The following CABLES1 variants were observed in gnomAD, a reference collection of about 807,000 sequenced individuals.
The protein encoded by CABLES1 is Cdk5 and Abl enzyme substrate 1.
A neutral mutation model predicts 57.8 loss-of-function variants in CABLES1; 36 were observed. The ratio of observed to expected loss-of-function variants is 0.62; its 90% CI spans 0.48 to 0.82. The LOEUF (loss-of-function observed/expected upper bound fraction) is 0.82. Ranked by LOEUF, CABLES1 falls within the 40% of genes least tolerant of loss-of-function variation. CABLES1 has a pLI of 0.00. For missense variants in CABLES1, 767 were observed against 836.6 expected, an observed-to-expected ratio of 0.92 and a Z score of 1.03; for synonymous variants, 374 against 363.0, an observed-to-expected ratio of 1.03 and a Z score of -0.35.
intron 3 of CABLES1, among the ~76,000 whole-genome samples, chr18:23,207,917 T>C (rs1372769910): frequency 6.6e-6 from 1 of 152,160 alleles, no homozygotes; most frequent in Non-Finnish European, 1.5e-5. Context: ...AGTACCACCA[T>C]GTGGTATTTG....
At chr18:23,200,470 G>A (rs1353515698) in intron 3 of CABLES1, among the ~76,000 whole-genome samples, 1 of 152,128 alleles carries the variant, frequency 6.6e-6, no homozygotes, top group Non-Finnish European at 1.5e-5. Context: ...CACCATGTTA[G>A]CCAGGAAGGT....
At chr18:23,236,216 C>A (rs191356626) in intron 6 of CABLES1, among the ~76,000 whole-genome samples, 165 bp downstream of exon 6, 7 of 152,266 alleles carry the variant, frequency 4.6e-5, no homozygotes, top group Admixed American at 2.6e-4. Context: ...GCAATGAAGC[C>A]GCAGGTGATT....
At chr18:23,167,120 C>T (rs2047048164) in intron 1 of CABLES1, among the ~76,000 whole-genome samples, 1 of 152,170 alleles carries the variant, frequency 6.6e-6, no homozygotes, top group African/African-American at 2.4e-5. Flanking sequence ...AGATCATCAT[C>T]AGCGGAAATT....
At chr18:23,194,602 G>A in intron 3 of CABLES1, 62 bp downstream of exon 3, 1 of 1,151,960 alleles carries the variant, frequency 8.7e-7, no homozygotes, top group South Asian at 1.2e-5. Flanking sequence ...ACTGGAGGAG[G>A]GGACAGTTTT....
chr18:23,139,403 CAAA>C (rs61297552), intron 1 of CABLES1, among the ~76,000 whole-genome samples: 8 of 111,132 alleles, frequency 7.2e-5, no homozygotes, highest in Admixed American at 1.0e-4. Flanking sequence ...AACTCCATCT[CAAA>C]AAAAAAAAAA....
chr18:23,212,456 C>T (rs961914094), intron 3 of CABLES1, among the ~76,000 whole-genome samples: 1 of 152,186 alleles, frequency 6.6e-6, no homozygotes, highest in African/African-American at 2.4e-5. Context: ...ACTTTGGTCC[C>T]ATCCCATTAA....
chr18:23,138,078 A>G (rs1210705016), intron 1 of CABLES1, among the ~76,000 whole-genome samples: 1 of 152,180 alleles, frequency 6.6e-6, no homozygotes, highest in Non-Finnish European at 1.5e-5. Context: ...CTTGCAGCCT[A>G]AGCCCAGCAG....
intron 4 of CABLES1, among the ~76,000 whole-genome samples, chr18:23,222,167 A>C (rs2047492422): frequency 1.3e-5 from 2 of 151,998 alleles, no homozygotes; most frequent in African/African-American, 4.8e-5. Context: ...GCCCTCTCTC[A>C]GCACAGCTCC....
intron 3 of CABLES1, among the ~76,000 whole-genome samples, chr18:23,199,279 T>G (rs1010400917): frequency 1.3e-5 from 2 of 152,034 alleles, no homozygotes; most frequent in African/African-American, 4.8e-5. Flanking sequence ...GTTGGGTGGT[T>G]CTTCAAAAAG....
intron 4 of CABLES1, among the ~76,000 whole-genome samples, chr18:23,218,002 C>T (rs1313955106): frequency 2.0e-5 from 3 of 152,256 alleles, no homozygotes; most frequent in Non-Finnish European, 4.4e-5. Flanking sequence ...TTCCATTGTA[C>T]TCATGCACAT....
chr18:23,255,540 C>T (rs1228169010), intron 9 of CABLES1, among the ~76,000 whole-genome samples: 7 of 151,296 alleles, frequency 4.6e-5, no homozygotes, highest in Admixed American at 4.6e-4. Context: ...CTTATACAGA[C>T]ATCTGCTGAA....
At chr18:23,141,438 A>G (rs1360403727) in intron 1 of CABLES1, among the ~76,000 whole-genome samples, 1 of 152,242 alleles carries the variant, frequency 6.6e-6, no homozygotes, top group East Asian at 1.9e-4. Context: ...GCTTTGTGAC[A>G]TCAGGCAAGT....
intron 1 of CABLES1, among the ~76,000 whole-genome samples, chr18:23,174,715 G>A (rs548842466): frequency 1.7e-4 from 25 of 149,636 alleles, no homozygotes; most frequent in East Asian, 2.0e-4. Context: ...CTCGTAATCC[G>A]CCCACCTTGG....
At chr18:23,239,501 C>T (rs1316867013) in intron 7 of CABLES1, among the ~76,000 whole-genome samples, 1 of 152,198 alleles carries the variant, frequency 6.6e-6, no homozygotes, top group African/African-American at 2.4e-5. Flanking sequence ...TCCCTGGAGA[C>T]TTCTTTCCTA....
chr18:23,214,203 G>A (rs1204403327), intron 4 of CABLES1, 149 bp downstream of exon 4: 7 of 577,998 alleles, frequency 1.2e-5, no homozygotes, highest in Non-Finnish European at 2.1e-5. Context: ...ATAAAAAGAT[G>A]TTCCACTTTC....
intron 4 of CABLES1, among the ~76,000 whole-genome samples, chr18:23,222,554 A>G (rs961764895): frequency 6.8e-6 from 1 of 148,052 alleles, no homozygotes; most frequent in African/African-American, 2.5e-5. Context: ...ATATATATCT[A>G]TATATAGATA....
At chr18:23,224,419 C>A (rs2047512025) in intron 4 of CABLES1, among the ~76,000 whole-genome samples, 1 of 152,032 alleles carries the variant, frequency 6.6e-6, no homozygotes, top group Admixed American at 6.5e-5. Context: ...CCTTACTGAC[C>A]CCAGCTTCAC....
At position 23,259,042 on chromosome 18, in the gene CABLES1, T is replaced by C. The variant is rs1333829021; in HGVS notation, c.*1675T>C. 6.6e-6 allele frequency: 1 copy of C among 151,302 alleles called. No individual in the cohort carries two copies. Among genetic ancestry groups the C allele is most frequent in the African/African-American group, 2.4e-5 (1 of 41,082 alleles). 9.4% of individuals were successfully genotyped at this position (151,302 alleles called of 1,614,324 possible). A position where few individuals can be genotyped will look rare whatever the true frequency, so the allele number is the denominator to read the frequency against. On this transcript the variant is annotated 3_prime_UTR_variant, in exon 10 of 10. Coordinates refer to ENST00000256925, the MANE Select transcript of CABLES1 (RefSeq NM_001100619.3). ...GAGGATATGATTAATGTGGTCTCTT[T>C]GGCTGATCGAAAGCTAGATCAACTG...
chr18:23,216,350 T>C (rs2047441747), intron 4 of CABLES1, among the ~76,000 whole-genome samples: 1 of 152,208 alleles, frequency 6.6e-6, no homozygotes, highest in Non-Finnish European at 1.5e-5. Context: ...AGTTTTTCCA[T>C]GACCCACACT....
Sources: allele counts gnomAD v4.1 joint callset (sites outside exome capture counted in the v4.1 genomes callset), GRCh38; gene constraint gnomAD v4.1.1; transcripts MANE v1.5; gene names NCBI Gene and HGNC (gene_info 2026-07-23, HGNC 2026-07-21).